Variants in LUC7L2 observed in about 807,000 individuals in gnomAD.
LUC7L2 encodes the protein LUC7 like 2, pre-mRNA splicing factor, also known as putative RNA-binding protein Luc7-like 2.
Under a neutral mutation model 52.8 loss-of-function variants are expected in LUC7L2, and 25 were observed. That is an observed-to-expected ratio of 0.47 (90% confidence interval 0.34 to 0.66). The LOEUF is 0.66. LUC7L2 is among the 30% of genes least tolerant of loss of function. The pLI is 0.01. For missense variants in LUC7L2, 328 were observed against 497.8 expected, an observed-to-expected ratio of 0.66 and a Z score of 3.25; for synonymous variants, 144 against 160.9, an observed-to-expected ratio of 0.89 and a Z score of 0.80.
At chr7:139,341,740 G>C (rs1028320332) in intron 1 of LUC7L2, among the ~76,000 whole-genome samples, 5 of 152,178 alleles carry the variant, frequency 3.3e-5, no homozygotes, top group Admixed American at 1.3e-4. Context: ...GAGTCGCTCT[G>C]GGGACGTCAG....
At chr7:139,395,089 T>C (rs570471669) in intron 2 of LUC7L2, among the ~76,000 whole-genome samples, 3 of 152,330 alleles carry the variant, frequency 2.0e-5, no homozygotes, top group South Asian at 2.1e-4. Context: ...TTGCATTTTA[T>C]GAAATAAAAT....
At chr7:139,372,371 G>A (rs763603046) in intron 1 of LUC7L2, among the ~76,000 whole-genome samples, 11 of 152,100 alleles carry the variant, frequency 7.2e-5, no homozygotes, top group Non-Finnish European at 1.0e-4. Flanking sequence ...ATTTGCCAAA[G>A]CCAGATATGG....
At chr7:139,418,275 A>G (rs1795717550) in intron 9 of LUC7L2, among the ~76,000 whole-genome samples, 1 of 152,224 alleles carries the variant, frequency 6.6e-6, no homozygotes, top group African/African-American at 2.4e-5. Flanking sequence ...AACATTCAAA[A>G]GGTGCAGGCA....
chr7:139,393,405 G>A (rs1242430846), intron 2 of LUC7L2, among the ~76,000 whole-genome samples: 2 of 152,050 alleles, frequency 1.3e-5, no homozygotes, highest in Non-Finnish European at 2.9e-5. Flanking sequence ...ACTCCAGACT[G>A]GGGGACAGAG....
upstream of LUC7L2, among the ~76,000 whole-genome samples, chr7:139,358,585 C>T (rs1324490698): frequency 6.6e-6 from 1 of 152,310 alleles, no homozygotes; most frequent in Middle Eastern, 3.4e-3. Flanking sequence ...TAGAAAGTGC[C>T]TGTCTTCTTA....
At chr7:139,350,947 T>G (rs1046028203) in intron 1 of LUC7L2, among the ~76,000 whole-genome samples, 3 of 152,214 alleles carry the variant, frequency 2.0e-5, no homozygotes, top group African/African-American at 7.2e-5. Flanking sequence ...GTGCTGAGAT[T>G]ACAGGTGTGA....
In LUC7L2 at chr7:139,405,805, G is replaced by A. The variant is rs201304924; in HGVS notation, c.510+18G>A. The stretch of plus-strand genomic sequence containing the variant: ...AAGCAGAGGTAAATTCTTAATAGTA[G>A]TAGACGAATTCTGCTTAATTTGGTA... On this transcript the variant is annotated intron_variant, in intron 5 of 9. Coordinates refer to ENST00000354926, the MANE Select transcript of LUC7L2 (RefSeq NM_016019.5). 1.6e-5 allele frequency: 26 copies of A among 1,580,604 alleles called. No homozygotes were observed. In the Admixed American group the frequency reaches 4.7e-4, roughly 28 times the overall value.
chr7:139,351,993 G>A (rs1799472087), intron 1 of LUC7L2, among the ~76,000 whole-genome samples: 1 of 152,102 alleles, frequency 6.6e-6, no homozygotes, highest in Admixed American at 6.6e-5. Context: ...CCAGAAGTTT[G>A]AGACCAGCCT....
chr7:139,342,236 G>C (rs149446591), intron 1 of LUC7L2, among the ~76,000 whole-genome samples: 1 of 152,160 alleles, frequency 6.6e-6, no homozygotes, highest in Non-Finnish European at 1.5e-5. Context: ...ATACAGTAAA[G>C]TACTGAGGAT....
In LUC7L2 at chr7:139,422,936, G is replaced by T; in HGVS notation, c.*596G>T. 2.5e-6 allele frequency: 1 copy of T among 398,872 alleles called. No individual in the cohort carries two copies. Among genetic ancestry groups the T allele is most frequent in the Non-Finnish European group, 4.4e-6 (1 of 226,042 alleles). The allele number at this position is 398,872 out of a possible 1,614,324, so 24.7% of individuals were successfully genotyped here. ...CCTATTTAGAGTTGGAAGTTGAACA[G>T]CTGTTGCATTACATACTTTTGCTTT... On this transcript the variant is annotated 3_prime_UTR_variant, in exon 10 of 10. Coordinates refer to ENST00000354926, the MANE Select transcript of LUC7L2 (RefSeq NM_016019.5).
Position 139,423,148 on chromosome 7 carries a change from ATCAC to A in LUC7L2, c.*809_*812del. The A allele has an allele frequency of 2.5e-6, 1 of 399,022 alleles. No homozygotes were observed. Among genetic ancestry groups the A allele is most frequent in the Non-Finnish European group, 4.4e-6 (1 of 226,066 alleles). The allele number at this position is 399,022 out of a possible 1,614,324, so 24.7% of individuals were successfully genotyped here. A position where few individuals can be genotyped will look rare whatever the true frequency, so the allele number is the denominator to read the frequency against. ...TAATAATAATAAAATGAAAGAAACA[ATCAC>A]CACCACCATTATTAAACTGTAACTT... On this transcript the variant is annotated 3_prime_UTR_variant, in exon 10 of 10. Transcript: ENST00000354926.
chr7:139,378,669 A>C (rs1455366774), intron 2 of LUC7L2, among the ~76,000 whole-genome samples: 1 of 152,228 alleles, frequency 6.6e-6, no homozygotes, highest in Non-Finnish European at 1.5e-5. Context: ...GAACATAAAG[A>C]GGTGTAAACT....
At chr7:139,341,201 C>A in intron 1 of LUC7L2, 3 of 1,076,660 alleles carry the variant, frequency 2.8e-6, no homozygotes, top group Non-Finnish European at 3.8e-6. Context: ...GATTTTGTTA[C>A]GGCGCCCCTG....
At chr7:139,358,708 G>A (rs192350765), upstream of LUC7L2, among the ~76,000 whole-genome samples, 61 of 151,222 alleles carry the variant, frequency 4.0e-4, no homozygotes, top group Non-Finnish European at 7.4e-4. Context: ...TTTTTTTTTA[G>A]AAGTCTCGCT....
chr7:139,344,713 T>G (rs2131143872), intron 1 of LUC7L2, among the ~76,000 whole-genome samples: 1 of 145,668 alleles, frequency 6.9e-6, no homozygotes, highest in South Asian at 2.3e-4. Flanking sequence ...TTTTTTTTTT[T>G]TTTTGTTGAG....
At chr7:139,346,724 C>T (rs1468410601) in intron 1 of LUC7L2, among the ~76,000 whole-genome samples, 1 of 152,198 alleles carries the variant, frequency 6.6e-6, no homozygotes, top group Admixed American at 6.5e-5. Context: ...GGCCACAGCT[C>T]AGCTATAACC....
intron 2 of LUC7L2, among the ~76,000 whole-genome samples, chr7:139,379,549 C>CTTTTTTTTTTTT (rs539771697): frequency 5.7e-5 from 3 of 52,684 alleles, no homozygotes; most frequent in African/African-American, 1.8e-4. Flanking sequence ...ATAACTAATG[C>CTTTTTTTTTTTT]TTTTTTTTTT....
At position 139,415,695 on chromosome 7, in the gene LUC7L2, A is replaced by G. The variant is rs77148032; in HGVS notation, c.810-1843A>G. 8.5e-3 allele frequency among the ~76,000 whole-genome samples: 1,261 copies of G among 148,418 alleles called. 26 individuals are homozygous for G. The highest frequency in any genetic ancestry group is 0.03 in the African/African-American group (1,203 of 40,516). The stretch of plus-strand genomic sequence containing the variant: ...TTTATTGTAGATACGGGGTCTCCCT[A>G]TGTTGCTCAGGCTGGTCTTGAACTC... On this transcript the variant is annotated intron_variant, in intron 8 of 9. Transcript: ENST00000354926.
chr7:139,380,456 C>T (rs891279722), intron 2 of LUC7L2, among the ~76,000 whole-genome samples: 11 of 151,720 alleles, frequency 7.3e-5, no homozygotes, highest in Non-Finnish European at 1.0e-4. Flanking sequence ...AAAAAGTAGC[C>T]GGGCATGGTG....
Sources: allele counts gnomAD v4.1 joint callset (sites outside exome capture counted in the v4.1 genomes callset), GRCh38; gene constraint gnomAD v4.1.1; transcripts MANE v1.5; gene names NCBI Gene and HGNC (gene_info 2026-07-23, HGNC 2026-07-21).